ERBB4: variants seen among roughly 807,000 people sequenced by gnomAD.
The protein encoded by ERBB4 is erb-b2 receptor tyrosine kinase 4.
Under a neutral mutation model 158.0 loss-of-function variants are expected in ERBB4, and 42 were observed. That is an observed-to-expected ratio of 0.27 (90% CI 0.21 to 0.34). The LOEUF (loss-of-function observed/expected upper bound fraction) is 0.34. Ranked by LOEUF, ERBB4 falls within the 10% of genes least tolerant of loss-of-function variation. The pLI is 1.00. For missense variants in ERBB4, 1,333 were observed against 1,624.1 expected, an observed-to-expected ratio of 0.82 and a Z score of 3.08; for synonymous variants, 583 against 558.7, an observed-to-expected ratio of 1.04 and a Z score of -0.61.
chr2:212,000,970 T>C (rs2076089757), intron 2 of ERBB4, among the ~76,000 whole-genome samples: 2 of 151,968 alleles, frequency 1.3e-5, no homozygotes, highest in Non-Finnish European at 2.9e-5. Flanking sequence ...CATCTCTCAT[T>C]TTTATATTTT....
chr2:211,581,807 T>C (rs1387155783), intron 19 of ERBB4, among the ~76,000 whole-genome samples: 1 of 152,012 alleles, frequency 6.6e-6, no homozygotes, highest in East Asian at 1.9e-4. Flanking sequence ...GTCAAGAGAT[T>C]GAGACCATCC....
At chr2:211,701,631 G>C (rs937688785) in intron 12 of ERBB4, among the ~76,000 whole-genome samples, 1 of 151,714 alleles carries the variant, frequency 6.6e-6, no homozygotes, top group South Asian at 2.1e-4. Context: ...GGCGGCGGGC[G>C]CCTGTAGTCC....
At chr2:211,543,428 G>T (rs60160947) in intron 20 of ERBB4, among the ~76,000 whole-genome samples, 2,429 of 151,966 alleles carry the variant, frequency 0.016, 51 homozygotes, top group African/African-American at 0.056. Context: ...CAAATCATAA[G>T]AAATAAATCC....
chr2:211,711,835 T>A (rs1414460811), intron 9 of ERBB4, among the ~76,000 whole-genome samples: 1 of 152,148 alleles, frequency 6.6e-6, no homozygotes, highest in African/African-American at 2.4e-5. Flanking sequence ...AAATTTATAT[T>A]TTTGACCTTA....
intron 16 of ERBB4, among the ~76,000 whole-genome samples, chr2:211,636,415 G>T (rs189331323): frequency 8.6e-5 from 13 of 151,938 alleles, no homozygotes; most frequent in African/African-American, 2.9e-4. Context: ...CTTTACCTAA[G>T]CTAGTACAAA....
chr2:211,513,636 A>G (rs998735635), intron 20 of ERBB4, among the ~76,000 whole-genome samples: 10 of 152,098 alleles, frequency 6.6e-5, no homozygotes, highest in Admixed American at 1.3e-4. Context: ...TATTCATCAC[A>G]ACATTCCTTT....
At chr2:212,415,643 T>C (rs562154313) in intron 1 of ERBB4, among the ~76,000 whole-genome samples, 1 of 152,256 alleles carries the variant, frequency 6.6e-6, no homozygotes, top group South Asian at 2.1e-4. Context: ...AGAATAAATG[T>C]ATTTATTTAG....
chr2:212,293,479 T>G (rs982991462), intron 1 of ERBB4, among the ~76,000 whole-genome samples: 5 of 152,018 alleles, frequency 3.3e-5, no homozygotes, highest in African/African-American at 1.2e-4. Flanking sequence ...TATTAAAAAT[T>G]TATACAAAAC....
intron 12 of ERBB4, among the ~76,000 whole-genome samples, chr2:211,685,510 T>A (rs957288758): frequency 3.3e-5 from 5 of 152,220 alleles, no homozygotes; most frequent in African/African-American, 1.2e-4. Context: ...CACACAGCCT[T>A]AATTATGGCA....
intron 1 of ERBB4, among the ~76,000 whole-genome samples, chr2:212,191,656 T>G (rs2082217192): frequency 7.1e-6 from 1 of 141,422 alleles, no homozygotes; most frequent in Non-Finnish European, 1.6e-5. Flanking sequence ...AACACATGCG[T>G]TATACATGTC....
At chr2:211,737,802 C>T (rs2074651524) in intron 5 of ERBB4, among the ~76,000 whole-genome samples, 1 of 152,174 alleles carries the variant, frequency 6.6e-6, no homozygotes, top group African/African-American at 2.4e-5. Flanking sequence ...GTTATTATCT[C>T]GCTTTATAGC....
chr2:212,463,882 A>G (rs1036227703), intron 1 of ERBB4, among the ~76,000 whole-genome samples: 4 of 152,176 alleles, frequency 2.6e-5, no homozygotes, highest in Non-Finnish European at 4.4e-5. Flanking sequence ...CACCTTGTCT[A>G]AATATTAAAG....
At chr2:212,188,242 CTCTCA>C (rs1490493558) in intron 1 of ERBB4, among the ~76,000 whole-genome samples, 14 of 38,914 alleles carry the variant, frequency 3.6e-4, no homozygotes, top group Non-Finnish European at 5.1e-4. Flanking sequence ...CTCCCCCCCC[CTCTCA>C]CCCCCTCCCT....
chr2:211,898,242 C>T (rs2079150131), intron 3 of ERBB4, among the ~76,000 whole-genome samples: 1 of 151,898 alleles, frequency 6.6e-6, no homozygotes, highest in African/African-American at 2.4e-5. Context: ...TCTCTTACAC[C>T]AAATCTTCTA....
At chr2:212,266,177 T>A (rs62182622) in intron 1 of ERBB4, among the ~76,000 whole-genome samples, 1 of 151,590 alleles carries the variant, frequency 6.6e-6, no homozygotes, top group Non-Finnish European at 1.5e-5. Flanking sequence ...TGAAATTCCT[T>A]TCATTTTCTT....
At chr2:212,349,334 T>C (rs1369590067) in intron 1 of ERBB4, among the ~76,000 whole-genome samples, 1 of 143,512 alleles carries the variant, frequency 7.0e-6, no homozygotes, top group Non-Finnish European at 1.6e-5. Flanking sequence ...CTTCAAGTGT[T>C]TGACAGCCCT....
chr2:212,214,672 A>G (rs529513746), intron 1 of ERBB4, among the ~76,000 whole-genome samples: 2 of 114,902 alleles, frequency 1.7e-5, no homozygotes, highest in East Asian at 3.4e-4. Context: ...AATTTGTACA[A>G]TCTTTTTGGA....
intron 6 of ERBB4, among the ~76,000 whole-genome samples, chr2:211,723,619 T>C (rs1321353108): frequency 1.3e-5 from 2 of 152,134 alleles, no homozygotes; most frequent in African/African-American, 4.8e-5. Context: ...GATGACACAT[T>C]ATTCACTAAG....
At chr2:211,594,112 C>T (rs1162980297) in intron 19 of ERBB4, among the ~76,000 whole-genome samples, 2 of 151,926 alleles carry the variant, frequency 1.3e-5, no homozygotes, top group Admixed American at 1.3e-4. Context: ...TTGGTGGAAC[C>T]CAACCGATAA....
Sources: allele counts gnomAD v4.1 joint callset (sites outside exome capture counted in the v4.1 genomes callset), GRCh38; gene constraint gnomAD v4.1.1; transcripts MANE v1.5; gene names NCBI Gene and HGNC (gene_info 2026-07-23, HGNC 2026-07-21).